Variants in MAP4K3 observed in about 807,000 individuals in gnomAD.
The protein encoded by MAP4K3 is mitogen-activated protein kinase kinase kinase kinase 3.
Under a neutral mutation model 143.5 loss-of-function variants are expected in MAP4K3, and 94 were observed. That is an observed-to-expected ratio of 0.65 (90% CI 0.55 to 0.78). MAP4K3 has a LOEUF of 0.78. Ranked by LOEUF, MAP4K3 falls within the 30% of genes least tolerant of loss-of-function variation. The probability of loss-of-function intolerance (pLI) is 0.00; values close to 1 mark genes in which losing one functional copy is unlikely to be tolerated. For synonymous variants in MAP4K3, 416 were observed against 347.2 expected (o/e 1.20, Z -2.20); for missense variants, 1,077 against 1,068.1 (o/e 1.01, Z -0.12).
intron 27 of MAP4K3, among the ~76,000 whole-genome samples, chr2:39,266,466 T>G (rs1680768377): frequency 6.6e-6 from 1 of 152,236 alleles, no homozygotes; most frequent in South Asian, 2.1e-4. Flanking sequence ...GCTAAGCGAA[T>G]AGTCAGCATT....
chr2:39,356,401 C>A (rs956309805), intron 2 of MAP4K3, 62 bp from the exon 3 acceptor site: 2 of 853,750 alleles, frequency 2.3e-6, no homozygotes, highest in Admixed American at 2.2e-5. Context: ...TCATTTATTT[C>A]AAAACACAAT....
intron 1 of MAP4K3, among the ~76,000 whole-genome samples, chr2:39,400,149 G>A (rs935159355): frequency 7.2e-5 from 11 of 152,060 alleles, no homozygotes; most frequent in Admixed American, 7.2e-4. Flanking sequence ...AAGGGAGAAC[G>A]CTATAACCCA....
intron 3 of MAP4K3, among the ~76,000 whole-genome samples, chr2:39,347,321 T>C (rs778897985): frequency 6.6e-5 from 10 of 152,214 alleles, no homozygotes. Flanking sequence ...AGGGGTTCTA[T>C]TACCAAAATG....
intron 4 of MAP4K3, among the ~76,000 whole-genome samples, chr2:39,338,825 G>A (rs1665057112): frequency 6.6e-6 from 1 of 152,136 alleles, no homozygotes; most frequent in Non-Finnish European, 1.5e-5. Context: ...TGCCATGTGA[G>A]GACACAGTGT....
At chr2:39,259,549 AC>A (rs1680481958) in intron 29 of MAP4K3, among the ~76,000 whole-genome samples, 1 of 152,214 alleles carries the variant, frequency 6.6e-6, no homozygotes, top group Non-Finnish European at 1.5e-5. Context: ...TACATAAAAT[AC>A]TTAAAATTTC....
chr2:39,277,862 G>A (rs1029529957), intron 24 of MAP4K3, among the ~76,000 whole-genome samples: 4 of 151,602 alleles, frequency 2.6e-5, no homozygotes, highest in Admixed American at 6.6e-5. Context: ...CACCATGCTC[G>A]GCGTCATGAG....
chr2:39,424,930 A>G (rs1028901547), intron 1 of MAP4K3, among the ~76,000 whole-genome samples: 2 of 152,030 alleles, frequency 1.3e-5, no homozygotes, highest in Non-Finnish European at 2.9e-5. Flanking sequence ...AAGAATTCAA[A>G]TCCAAGAGTC....
intron 16 of MAP4K3, chr2:39,293,842 C>T (rs1426911997): frequency 1.3e-5 from 2 of 153,268 alleles, no homozygotes; most frequent in African/African-American, 4.8e-5. Flanking sequence ...ACTCACTTAC[C>T]TGAAGGATTT....
chr2:39,339,846 A>G (rs1381220199), intron 4 of MAP4K3, among the ~76,000 whole-genome samples: 3 of 152,194 alleles, frequency 2.0e-5, no homozygotes, highest in Non-Finnish European at 2.9e-5. Context: ...AAACTCTGGA[A>G]GGACACATCT....
At chr2:39,316,467 TTGAC>T (rs931629688) in intron 12 of MAP4K3, among the ~76,000 whole-genome samples, 12 of 152,130 alleles carry the variant, frequency 7.9e-5, no homozygotes, top group African/African-American at 2.9e-4. Context: ...AACTGGAGAC[TTGAC>T]TGATTATCTT....
chr2:39,288,410 G>C, intron 19 of MAP4K3, 130 bp from the exon 20 acceptor site: 1 of 738,242 alleles, frequency 1.4e-6, no homozygotes, highest in Non-Finnish European at 2.2e-6. Context: ...TGAGTTTAAA[G>C]GTTACTCAAC....
chr2:39,304,342 G>A (rs1253964127), intron 15 of MAP4K3, among the ~76,000 whole-genome samples: 1 of 152,138 alleles, frequency 6.6e-6, no homozygotes, highest in African/African-American at 2.4e-5. Context: ...AAGGGATTTA[G>A]GGTTTTTACC....
intron 8 of MAP4K3, among the ~76,000 whole-genome samples, chr2:39,328,763 G>A (rs1683586068): frequency 6.6e-6 from 1 of 152,006 alleles, no homozygotes; most frequent in Admixed American, 6.6e-5. Flanking sequence ...GATGCATTGG[G>A]GTGTGTGTGG....
intron 1 of MAP4K3, among the ~76,000 whole-genome samples, chr2:39,393,681 T>C (rs1666729305): frequency 6.6e-6 from 1 of 152,162 alleles, no homozygotes; most frequent in African/African-American, 2.4e-5. Context: ...ATTTCTAGAA[T>C]TTGTGCCTAT....
At chr2:39,427,269 G>C (rs1665118319) in intron 1 of MAP4K3, among the ~76,000 whole-genome samples, 1 of 151,854 alleles carries the variant, frequency 6.6e-6, no homozygotes, top group Non-Finnish European at 1.5e-5. Flanking sequence ...ATGAGGAGGG[G>C]GAGGAGGAAG....
intron 4 of MAP4K3, among the ~76,000 whole-genome samples, chr2:39,338,594 C>T (rs1020682474): frequency 2.9e-4 from 44 of 152,288 alleles, no homozygotes; most frequent in African/African-American, 1.1e-3. Flanking sequence ...TTACGATGAA[C>T]ACCTTTACAT....
At position 39,343,397 on chromosome 2, in the gene MAP4K3, T is replaced by C; in HGVS notation, c.301A>G (p.Ile101Val). The change falls in exon 4 of 34, where the codon ATT becomes GTT. Residue 101 changes from isoleucine (I) to valine (V), a missense_variant. Coordinates refer to ENST00000263881, the MANE Select transcript of MAP4K3 (RefSeq NM_003618.4). ...ACAACTTTGGTCTTACCGTGATAAA[T>C]ATCCTGTAAAGAACCACCTCCACAA... ...EFCGGGSLQD[I>V]YHVTGPLSEL... is the part of the protein sequence containing the mutation. The C allele has an allele frequency of 1.9e-6, 3 of 1,612,620 alleles. No individual in the cohort carries two copies. The highest frequency in any genetic ancestry group is 1.7e-5 in the Admixed American group (1 of 59,968).
chr2:39,267,038 G>T, intron 27 of MAP4K3, 151 bp downstream of exon 27: 1 of 665,294 alleles, frequency 1.5e-6, no homozygotes, highest in Non-Finnish European at 2.7e-6. Context: ...ATTAGGCTTA[G>T]TCTACACAGA....
chr2:39,361,273 T>C (rs1366981152), intron 2 of MAP4K3, among the ~76,000 whole-genome samples: 2 of 152,146 alleles, frequency 1.3e-5, no homozygotes, highest in South Asian at 4.1e-4. Context: ...ATATACATTA[T>C]AGCAACTACC....
Sources: allele counts gnomAD v4.1 joint callset (sites outside exome capture counted in the v4.1 genomes callset), GRCh38; gene constraint gnomAD v4.1.1; transcripts MANE v1.5; gene names NCBI Gene and HGNC (gene_info 2026-07-23, HGNC 2026-07-21).